ELOVL2: variants seen among roughly 807,000 people sequenced by gnomAD.
ELOVL2 encodes very long chain fatty acid elongase 2.
Under a neutral mutation model 37.7 loss-of-function variants are expected in ELOVL2, and 38 were observed. The ratio of observed to expected loss-of-function variants is 1.01; its 90% CI spans 0.78 to 1.32. The LOEUF (loss-of-function observed/expected upper bound fraction) is 1.32. ELOVL2 is among the 40% of genes most tolerant of loss of function. The pLI is 0.00. For missense variants in ELOVL2, 352 were observed against 363.6 expected (o/e 0.97, Z 0.26); for synonymous variants, 115 against 122.3 (o/e 0.94, Z 0.40).
chr6:11,022,813 C>A (rs58683612), intron 1 of ELOVL2, among the ~76,000 whole-genome samples: 13,109 of 152,084 alleles, frequency 0.086, 1,674 homozygotes, highest in African/African-American at 0.28. Context: ...TAATGACTAT[C>A]ATAAATAGTC....
At position 11,010,772 on chromosome 6, in the gene ELOVL2, A is replaced by G. The variant is rs1782560163; in HGVS notation, c.41T>C (p.Phe14Ser). Residue 14 changes from phenylalanine to serine, a missense_variant, in exon 2 of 8, where the codon TTT (phenylalanine) becomes TCT (serine). Coordinates refer to ENST00000354666, the MANE Select transcript of ELOVL2 (RefSeq NM_017770.4). ...LKAFDDEINA[F>S]LDNMFGPRDS... ...TCGCGGTCCAAACATATTGTCCAAA[A>G]AAGCATTGATTTCATCATCAAAGGC... 1 of 1,612,716 alleles carries G rather than the reference A, an allele frequency of 6.2e-7. No homozygotes were observed. The highest frequency in any genetic ancestry group is 1.3e-5 in the African/African-American group (1 of 74,868).
intron 7 of ELOVL2, among the ~76,000 whole-genome samples, chr6:10,984,206 T>C (rs1389863719): frequency 2.0e-5 from 3 of 152,042 alleles, no homozygotes; most frequent in Non-Finnish European, 2.9e-5. Flanking sequence ...TTAGTAGAGA[T>C]GGGGTTTCAC....
intron 3 of ELOVL2, among the ~76,000 whole-genome samples, chr6:11,004,146 T>C (rs545386374): frequency 5.4e-5 from 8 of 149,046 alleles, no homozygotes; most frequent in African/African-American, 2.1e-4. Flanking sequence ...CTATACTGAC[T>C]GATGCCTAAA....
At chr6:11,005,889 G>A (rs1782475460) in intron 2 of ELOVL2, among the ~76,000 whole-genome samples, 1 of 151,808 alleles carries the variant, frequency 6.6e-6, no homozygotes. Flanking sequence ...GTACTATTAT[G>A]CAATTTTATG....
In ELOVL2 at chr6:11,013,983, C is replaced by A. The variant is rs568683994; in HGVS notation, c.4-3174G>T. On this transcript the variant is annotated intron_variant, in intron 1 of 7. Coordinates refer to ENST00000354666, the MANE Select transcript of ELOVL2 (RefSeq NM_017770.4). ...GGCCACAGAATTCTCTGCGAAATAA[C>A]CCTAGATCCACTTCCAGAACAACTC... 1.3e-4 allele frequency among the ~76,000 whole-genome samples: 20 copies of A among 152,244 alleles called. No individual in the cohort carries two copies. The South Asian group carries it at 4.2e-3, about 32-fold the overall frequency.
At chr6:11,014,550 G>A (rs375259792) in intron 1 of ELOVL2, among the ~76,000 whole-genome samples, 342 of 150,730 alleles carry the variant, frequency 2.3e-3, no homozygotes, top group African/African-American at 7.8e-3. Context: ...TAAAAAGTTA[G>A]TCCCTCCCTT....
chr6:11,012,566 G>A (rs542344315), intron 1 of ELOVL2, among the ~76,000 whole-genome samples: 3 of 152,208 alleles, frequency 2.0e-5, no homozygotes, highest in African/African-American at 7.2e-5. Flanking sequence ...GTTTGCTAAG[G>A]TTCAAAATCC....
At chr6:10,996,720 G>C (rs1475472307) in intron 4 of ELOVL2, among the ~76,000 whole-genome samples, 2 of 150,776 alleles carry the variant, frequency 1.3e-5, no homozygotes, top group African/African-American at 2.5e-5. Flanking sequence ...GCTCACGCCT[G>C]TAATCCCAGC....
At chr6:11,015,437 C>T in intron 1 of ELOVL2, 1 of 153,092 alleles carries the variant, frequency 6.5e-6, no homozygotes, top group Non-Finnish European at 1.5e-5. Flanking sequence ...CCAGAGCAAG[C>T]CAGCCTCCCC....
At chr6:11,037,445 TAAAAC>T (rs1169111943) in intron 1 of ELOVL2, among the ~76,000 whole-genome samples, 1 of 150,726 alleles carries the variant, frequency 6.6e-6, no homozygotes. Flanking sequence ...GTATTGGAAA[TAAAAC>T]CAAATAGTAA....
chr6:10,985,514 G>T (rs1171498657), intron 7 of ELOVL2, among the ~76,000 whole-genome samples: 4 of 145,458 alleles, frequency 2.7e-5, no homozygotes, highest in African/African-American at 1.1e-4. Flanking sequence ...CCATCTTGAA[G>T]TAATTTTTGT....
In ELOVL2 at chr6:10,983,713, A is replaced by T; in HGVS notation, c.*68T>A. 6.7e-7 allele frequency: 1 copy of T among 1,495,538 alleles called. No individual in the cohort carries two copies. Among genetic ancestry groups the T allele is most frequent in the Non-Finnish European group, 9.0e-7 (1 of 1,115,228 alleles). 92.6% of individuals were successfully genotyped at this position (1,495,538 alleles called of 1,614,324 possible). ...TTTATCCTAAAACATGTAACCTTCA[A>T]TTCAGTCTTTGCTTTAAAACAAGCC... is the stretch of plus-strand genomic sequence containing the variant. On this transcript the variant is annotated 3_prime_UTR_variant, in exon 8 of 8. Transcript: ENST00000354666.
rs780645847 is a variant in ELOVL2 at position 11,010,827 on chromosome 6, A to G, written c.4-18T>C. The G allele has an allele frequency of 6.3e-7, 1 of 1,591,092 alleles. No individual in the cohort carries two copies. The highest frequency in any genetic ancestry group is 8.6e-7 in the Non-Finnish European group (1 of 1,168,622). On this transcript the variant is annotated intron_variant, in intron 1 of 7. Transcript: ENST00000354666. ...AGATGTTCCTAAAAAGAGAAAGAAA[A>G]AATGATTTAAGTGTTTTTTTCTTCT...
At chr6:11,006,617 G>A (rs1782488131) in intron 2 of ELOVL2, among the ~76,000 whole-genome samples, 1 of 152,148 alleles carries the variant, frequency 6.6e-6, no homozygotes, top group Admixed American at 6.5e-5. Context: ...CCAGCCTCTT[G>A]TTAAACCACC....
intron 1 of ELOVL2, among the ~76,000 whole-genome samples, chr6:11,026,259 G>A (rs998978891): frequency 6.6e-6 from 1 of 152,158 alleles, no homozygotes; most frequent in African/African-American, 2.4e-5. Flanking sequence ...AGATGTATTA[G>A]AAAAGTTAAA....
At chr6:10,986,949 G>C (rs1782063333) in intron 7 of ELOVL2, among the ~76,000 whole-genome samples, 1 of 152,158 alleles carries the variant, frequency 6.6e-6, no homozygotes. Flanking sequence ...TGTACCTCTG[G>C]TAGAATTCGG....
chr6:11,017,445 A>T (rs778072045), intron 1 of ELOVL2, among the ~76,000 whole-genome samples: 1 of 152,182 alleles, frequency 6.6e-6, no homozygotes, highest in Non-Finnish European at 1.5e-5. Flanking sequence ...GTGCTGTGGT[A>T]TCTCAGGATA....
chr6:11,014,667 C>G (rs1027483099), intron 1 of ELOVL2, among the ~76,000 whole-genome samples: 5 of 151,242 alleles, frequency 3.3e-5, no homozygotes, highest in African/African-American at 1.2e-4. Context: ...ACTATATGTA[C>G]TTGTACATAC....
rs79928236 is a variant in ELOVL2 at position 11,026,505 on chromosome 6, C to G, written c.4-15696G>C. Among the ~76,000 whole-genome samples, 455 of 152,246 alleles carry G rather than the reference C, an allele frequency of 3.0e-3. 3 individuals carry two copies. Among genetic ancestry groups the G allele is most frequent in the South Asian group, 0.021 (99 of 4,816 alleles). ...GGCTATAACAGGAGAGGCAAGCAGA[C>G]TGTTGCACGTTAATCCTGGACATGG... On this transcript the variant is annotated intron_variant, in intron 1 of 7. Coordinates refer to ENST00000354666, the MANE Select transcript of ELOVL2 (RefSeq NM_017770.4).
Sources: gnomAD v4.1 joint callset for allele counts (sites outside exome capture counted in the v4.1 genomes callset) on GRCh38, gnomAD v4.1.1 for gene constraint, MANE v1.5 for transcripts, NCBI Gene and HGNC (gene_info 2026-07-23, HGNC 2026-07-21) for gene names.